The following ARHGAP15 variants were observed in gnomAD, a reference collection of about 807,000 sequenced individuals.
ARHGAP15 encodes Rho GTPase activating protein 15, also known as rho GTPase-activating protein 15.
In ARHGAP15, 51 loss-of-function variants were observed where a neutral mutation model predicts 63.7. The ratio of observed to expected loss-of-function variants is 0.80; its 90% confidence interval spans 0.64 to 1.01. The LOEUF is 1.01. Ranked by LOEUF, ARHGAP15 falls within the 50% of genes least tolerant of loss-of-function variation. ARHGAP15 has a pLI of 0.00. For missense variants in ARHGAP15, 560 were observed against 564.6 expected (o/e 0.99, Z 0.08); for synonymous variants, 191 against 193.8 (o/e 0.99, Z 0.12).
chr2:143,188,166 T>C (rs1213561839), intron 2 of ARHGAP15, among the ~76,000 whole-genome samples: 1 of 152,146 alleles, frequency 6.6e-6, no homozygotes, highest in Non-Finnish European at 1.5e-5. Flanking sequence ...GTTTAATATC[T>C]CATTTACACC....
intron 13 of ARHGAP15, among the ~76,000 whole-genome samples, chr2:143,729,022 C>CT (rs2105479847): frequency 6.6e-6 from 1 of 152,270 alleles, no homozygotes; most frequent in South Asian, 2.1e-4. Flanking sequence ...AAGTTTCCTC[C>CT]GCGATGTACC....
At chr2:143,476,221 T>C (rs1049708132) in intron 8 of ARHGAP15, among the ~76,000 whole-genome samples, 2 of 152,174 alleles carry the variant, frequency 1.3e-5, no homozygotes, top group African/African-American at 4.8e-5. Context: ...GCCTGAGCTA[T>C]GGTCCCCTAG....
chr2:143,206,702 A>G (rs1692343581), intron 3 of ARHGAP15, among the ~76,000 whole-genome samples: 1 of 152,124 alleles, frequency 6.6e-6, no homozygotes, highest in Non-Finnish European at 1.5e-5. Flanking sequence ...CTTCGTATAA[A>G]GGCTGGCACA....
chr2:143,349,239 T>C (rs950716379), intron 6 of ARHGAP15, among the ~76,000 whole-genome samples: 2 of 152,144 alleles, frequency 1.3e-5, no homozygotes, highest in African/African-American at 2.4e-5. Flanking sequence ...TTTAGATCGA[T>C]TTGAGTGAGA....
intron 11 of ARHGAP15, among the ~76,000 whole-genome samples, chr2:143,611,914 C>T (rs1294537726): frequency 2.0e-5 from 3 of 152,168 alleles, no homozygotes; most frequent in Non-Finnish European, 2.9e-5. Context: ...ATGGCCTTTT[C>T]GTTGCATTTC....
intron 1 of ARHGAP15, among the ~76,000 whole-genome samples, chr2:143,134,197 C>G (rs1689041585): frequency 7.4e-6 from 1 of 134,770 alleles, no homozygotes; most frequent in Non-Finnish European, 1.7e-5. Flanking sequence ...ATCTATCTAC[C>G]TATCTATCTA....
chr2:143,723,973 C>T (rs1475926514), intron 13 of ARHGAP15, among the ~76,000 whole-genome samples: 1 of 152,148 alleles, frequency 6.6e-6, no homozygotes, highest in Non-Finnish European at 1.5e-5. Flanking sequence ...TCCACAGTGA[C>T]TTCAGGCACG....
chr2:143,351,664 G>T (rs1053855641), intron 6 of ARHGAP15, among the ~76,000 whole-genome samples: 3 of 152,104 alleles, frequency 2.0e-5, no homozygotes, highest in African/African-American at 7.2e-5. Flanking sequence ...AATTATGTTA[G>T]CTTGCAATTA....
chr2:143,191,360 G>T (rs939900868), intron 2 of ARHGAP15, among the ~76,000 whole-genome samples: 1 of 152,166 alleles, frequency 6.6e-6, no homozygotes, highest in Non-Finnish European at 1.5e-5. Context: ...AAAGAATGAT[G>T]TATATGTTTC....
intron 11 of ARHGAP15, among the ~76,000 whole-genome samples, chr2:143,584,643 A>C (rs143263470): frequency 1.1e-3 from 169 of 152,230 alleles, no homozygotes; most frequent in African/African-American, 4.0e-3. Flanking sequence ...CAACAACAAC[A>C]ACAACAATAT....
intron 6 of ARHGAP15, among the ~76,000 whole-genome samples, chr2:143,277,566 G>C (rs1275691951): frequency 6.6e-6 from 1 of 151,918 alleles, no homozygotes; most frequent in Admixed American, 6.6e-5. Flanking sequence ...TCCAGAGACT[G>C]TACTGCCCTG....
intron 10 of ARHGAP15, among the ~76,000 whole-genome samples, chr2:143,542,838 G>GTA (rs71404479): frequency 0.027 from 2,661 of 97,534 alleles, 513 homozygotes; most frequent in Non-Finnish European, 0.037. Context: ...CACATATATA[G>GTA]TATATATGAT....
intron 6 of ARHGAP15, among the ~76,000 whole-genome samples, chr2:143,428,374 T>G (rs1480310113): frequency 6.6e-6 from 1 of 151,478 alleles, no homozygotes; most frequent in Non-Finnish European, 1.5e-5. Context: ...CATGCCAAAT[T>G]AAAGAGTTTG....
At chr2:143,380,408 G>A (rs887412337) in intron 6 of ARHGAP15, among the ~76,000 whole-genome samples, 1 of 152,104 alleles carries the variant, frequency 6.6e-6, no homozygotes, top group Non-Finnish European at 1.5e-5. Context: ...GACTATAAAA[G>A]TGACTGTAAG....
chr2:143,218,277 C>CTTTTTTT lies in ARHGAP15; in HGVS notation c.296+1848_296+1854dup, dbSNP rs762494225. Among the ~76,000 whole-genome samples the CTTTTTTT allele has an allele frequency of 7.1e-3, 657 of 91,938 alleles. 2 individuals carry two copies. Among genetic ancestry groups the CTTTTTTT allele is most frequent in the Middle Eastern group, 0.013 (1 of 80 alleles). The allele number at this position is 91,938 out of a possible 152,430, so 60.3% of individuals were successfully genotyped here. On this transcript the variant is annotated intron_variant, in intron 4 of 13. Coordinates refer to ENST00000295095, the MANE Select transcript of ARHGAP15 (RefSeq NM_018460.4). ...CTTAAAGTTATATGTTTTAGTTTTCCTTTTTTTTTTTTTTTTTTTTTTGTT... is the reference window on the plus strand; with the variant it reads ...CTTAAAGTTATATGTTTTAGTTTTCCTTTTTTTTTTTTTTTTTTTTTTTTTTTTTGTT...
chr2:143,567,600 A>C (rs1288389356), intron 11 of ARHGAP15, among the ~76,000 whole-genome samples: 1 of 152,208 alleles, frequency 6.6e-6, no homozygotes, highest in Non-Finnish European at 1.5e-5. Context: ...CAGGCTTGGA[A>C]GATCAGAGCC....
chr2:143,235,894 C>T (rs1693623190), intron 5 of ARHGAP15: 4 of 1,515,052 alleles, frequency 2.6e-6, no homozygotes, highest in Non-Finnish European at 3.5e-6. Context: ...TTGACTCTAG[C>T]ACTTCATTTG....
At chr2:143,416,960 G>T (rs1266757969) in intron 6 of ARHGAP15, among the ~76,000 whole-genome samples, 1 of 151,874 alleles carries the variant, frequency 6.6e-6, no homozygotes, top group Non-Finnish European at 1.5e-5. Context: ...CTACCAATTC[G>T]CTTTTCAGGG....
At chr2:143,313,929 C>T (rs1683567108) in intron 6 of ARHGAP15, among the ~76,000 whole-genome samples, 1 of 148,690 alleles carries the variant, frequency 6.7e-6, no homozygotes, top group South Asian at 2.1e-4. Context: ...TTTTATTCTG[C>T]GAGACTTAAG....
Sources: allele counts gnomAD v4.1 joint callset (sites outside exome capture counted in the v4.1 genomes callset), GRCh38; gene constraint gnomAD v4.1.1; transcripts MANE v1.5; gene names NCBI Gene and HGNC (gene_info 2026-07-23, HGNC 2026-07-21).